SUSD5: variants seen among roughly 807,000 people sequenced by gnomAD.
The protein encoded by SUSD5 is sushi domain-containing protein 5.
Under a neutral mutation model 29.5 loss-of-function variants are expected in SUSD5, and 33 were observed. The ratio of observed to expected loss-of-function variants is 1.12; its 90% CI spans 0.85 to 1.49. The LOEUF (loss-of-function observed/expected upper bound fraction) is 1.49, where lower values mean the gene tolerates loss of function less well. SUSD5 is among the 40% of genes most tolerant of loss of function. The probability of loss-of-function intolerance (pLI) is 0.00; values close to 1 mark genes in which losing one functional copy is unlikely to be tolerated. For missense variants in SUSD5, 776 were observed against 800.6 expected, an observed-to-expected ratio of 0.97 and a Z score of 0.37; for synonymous variants, 308 against 325.3, an observed-to-expected ratio of 0.95 and a Z score of 0.57.
chr3:33,206,877 C>A (rs150220569), intron 3 of SUSD5, among the ~76,000 whole-genome samples: 1 of 152,130 alleles, frequency 6.6e-6, no homozygotes, highest in East Asian at 1.9e-4. Context: ...ATCTTTAGCG[C>A]TGGCACTGAG....
intron 2 of SUSD5, among the ~76,000 whole-genome samples, chr3:33,209,344 C>T (rs1256022646): frequency 6.6e-6 from 1 of 152,098 alleles, no homozygotes; most frequent in African/African-American, 2.4e-5. Context: ...AATTGTGGAT[C>T]ATTTTCATAT....
At chr3:33,171,057 A>G (rs938994408) in intron 4 of SUSD5, among the ~76,000 whole-genome samples, 3 of 152,162 alleles carry the variant, frequency 2.0e-5, no homozygotes, top group African/African-American at 7.2e-5. Context: ...TATGGGTACT[A>G]TGGGCCGGGT....
chr3:33,202,142 G>A (rs2032133696), intron 3 of SUSD5, among the ~76,000 whole-genome samples: 1 of 152,002 alleles, frequency 6.6e-6, no homozygotes, highest in African/African-American at 2.4e-5. Context: ...CCTGACCCTG[G>A]ACAAATAAAT....
chr3:33,215,296 C>T (rs564714632), intron 1 of SUSD5, among the ~76,000 whole-genome samples: 1 of 152,146 alleles, frequency 6.6e-6, no homozygotes, highest in East Asian at 1.9e-4. Context: ...AACCTATGTG[C>T]ACTACTGCAT....
chr3:33,182,518 GT>G (rs2031693494), intron 3 of SUSD5, among the ~76,000 whole-genome samples: 1 of 152,164 alleles, frequency 6.6e-6, no homozygotes, highest in Non-Finnish European at 1.5e-5. Flanking sequence ...ACAGAGGGGT[GT>G]TTAAATCTCC....
chr3:33,195,028 C>T (rs1035326270), intron 3 of SUSD5, among the ~76,000 whole-genome samples: 2 of 152,084 alleles, frequency 1.3e-5, no homozygotes, highest in African/African-American at 4.8e-5. Context: ...AACCCCGTCT[C>T]TACTAAAAAT....
chr3:33,198,984 C>A (rs994830650), intron 3 of SUSD5, among the ~76,000 whole-genome samples: 2 of 152,026 alleles, frequency 1.3e-5, no homozygotes, highest in Admixed American at 6.6e-5. Flanking sequence ...AAGCACAGAC[C>A]CTGGCCTCAA....
rs747434069 is a variant in SUSD5, at chr3:33,153,181, G to T, written c.1451C>A (p.Ala484Asp). 1 of 1,613,792 alleles carries T rather than the reference G, an allele frequency of 6.2e-7. No individual in the cohort carries two copies. The highest frequency in any genetic ancestry group is 8.5e-7 in the Non-Finnish European group (1 of 1,179,850). The part of the protein sequence containing the change: ...WRFITEESPM[A>D]TLSYELTSST... ...GCTGGTGAGCTCATAGGACAGGGTG[G>T]CCATGGGAGATTCCTCTGTGATGAA... The change falls in exon 5 of 5, where the codon GCC becomes GAC. Residue 484 changes from alanine to aspartate, a missense_variant. Ala to Asp is a moderately radical substitution (Grantham distance 126, BLOSUM62 -2). Transcript: ENST00000309558.
chr3:33,152,686 T>A lies in SUSD5; in HGVS notation c.*56A>T. Reference sequence around the variant, plus strand: ...CATGCTCTAGTGAATTATCGTGTGATGTGTCACAGTTATTTTCCTCCCAAG... The same window carrying A: ...CATGCTCTAGTGAATTATCGTGTGAAGTGTCACAGTTATTTTCCTCCCAAG... On this transcript the variant is annotated 3_prime_UTR_variant, in exon 5 of 5. Transcript: ENST00000309558. 1 of 1,506,184 alleles carries A rather than the reference T, an allele frequency of 6.6e-7. No homozygotes were observed. The highest frequency in any genetic ancestry group is 2.3e-5 in the East Asian group (1 of 44,010). 93.3% of individuals were successfully genotyped at this position (1,506,184 alleles called of 1,614,324 possible). A position where few individuals can be genotyped will look rare whatever the true frequency, so the allele number is the denominator to read the frequency against.
At chr3:33,156,626 C>A (rs1214949103) in intron 4 of SUSD5, among the ~76,000 whole-genome samples, 1 of 152,178 alleles carries the variant, frequency 6.6e-6, no homozygotes, top group African/African-American at 2.4e-5. Flanking sequence ...AAACAGACTG[C>A]TTCTCCCACT....
At chr3:33,215,165 G>A (rs2032405983) in intron 1 of SUSD5, among the ~76,000 whole-genome samples, 1 of 151,782 alleles carries the variant, frequency 6.6e-6, no homozygotes, top group South Asian at 2.1e-4. Context: ...CTACAAAAAG[G>A]TAGTATTAAC....
At chr3:33,183,758 C>A (rs2031720295) in intron 3 of SUSD5, among the ~76,000 whole-genome samples, 1 of 151,922 alleles carries the variant, frequency 6.6e-6, no homozygotes, top group Non-Finnish European at 1.5e-5. Flanking sequence ...TAAAGAACTT[C>A]TTTTAACACT....
At chr3:33,158,149 C>T (rs1474708604) in intron 4 of SUSD5, among the ~76,000 whole-genome samples, 3 of 152,222 alleles carry the variant, frequency 2.0e-5, no homozygotes, top group Non-Finnish European at 4.4e-5. Context: ...TCATTGCTAC[C>T]TTAAAACTGT....
chr3:33,197,220 A>C (rs867438091), intron 3 of SUSD5, among the ~76,000 whole-genome samples: 2 of 152,156 alleles, frequency 1.3e-5, no homozygotes, highest in Non-Finnish European at 2.9e-5. Context: ...AGGAAGGTGC[A>C]TGGGTGAGAG....
intron 3 of SUSD5, among the ~76,000 whole-genome samples, chr3:33,196,812 C>A (rs767669506): frequency 6.6e-6 from 1 of 152,182 alleles, no homozygotes; most frequent in African/African-American, 2.4e-5. Flanking sequence ...ATCGTACATT[C>A]CAACCCAAAC....
intron 3 of SUSD5, among the ~76,000 whole-genome samples, chr3:33,189,099 A>G (rs1263714317): frequency 6.6e-6 from 1 of 152,220 alleles, no homozygotes; most frequent in African/African-American, 2.4e-5. Flanking sequence ...TGCGTCAATC[A>G]ACCAATAACT....
chr3:33,173,295 C>G lies in SUSD5; in HGVS notation c.598+1591G>C, dbSNP rs146354074. On this transcript the variant is annotated intron_variant, in intron 4 of 4. Coordinates refer to ENST00000309558, the MANE Select transcript of SUSD5 (RefSeq NM_015551.2). ...GATGGGAGAGCAGACTGGGCAAATA[C>G]TTTAGAGAACACTTTGGCAGCATCA... is the stretch of plus-strand genomic sequence containing the variant. Among the ~76,000 whole-genome samples, 8 of 152,322 alleles carry G rather than the reference C, an allele frequency of 5.3e-5. No homozygotes were observed. The East Asian group carries it at 1.5e-3, about 29-fold the overall frequency.
chr3:33,172,834 A>G lies in SUSD5; in HGVS notation c.598+2052T>C, dbSNP rs576892865. On this transcript the variant is annotated intron_variant, in intron 4 of 4. Transcript: ENST00000309558. ...TTATATTTAGAATCTATTTTATTTT[A>G]TATTAATTCATTTTTATTGCATTTT... Among the ~76,000 whole-genome samples, 4 of 152,320 alleles carry G rather than the reference A, an allele frequency of 2.6e-5. No individual in the cohort carries two copies. In the East Asian group the frequency reaches 5.8e-4, roughly 22 times the overall value.
chr3:33,177,233 G>A (rs557457534), intron 3 of SUSD5, among the ~76,000 whole-genome samples: 1 of 152,288 alleles, frequency 6.6e-6, no homozygotes, highest in African/African-American at 2.4e-5. Context: ...AATGGAACAC[G>A]AGGCATAAAT....
Sources: gnomAD v4.1 joint callset for allele counts (sites outside exome capture counted in the v4.1 genomes callset) on GRCh38, gnomAD v4.1.1 for gene constraint, MANE v1.5 for transcripts, NCBI Gene and HGNC (gene_info 2026-07-23, HGNC 2026-07-21) for gene names.